The following ATP10B variants were observed in gnomAD, a reference collection of about 807,000 sequenced individuals.
ATP10B encodes ATPase phospholipid transporting 10B (putative).
ATP10B carries 122 observed loss-of-function variants against 141.2 expected under a neutral mutation model. That is an observed-to-expected ratio of 0.86 (90% CI 0.75 to 1.00). ATP10B has a LOEUF of 1.00. ATP10B is among the 50% of genes least tolerant of loss of function. The pLI is 0.00. For missense variants in ATP10B, 1,876 were observed against 1,825.3 expected (o/e 1.03, Z -0.51); for synonymous variants, 685 against 692.0 (o/e 0.99, Z 0.16).
At chr5:160,869,978 C>T in the ATP10B span, among the ~76,000 whole-genome samples, 1 of 152,142 alleles carries the variant, frequency 6.6e-6, no homozygotes, top group East Asian at 1.9e-4. Context: ...ATATACCAGG[C>T]AACTCTGTTC....
chr5:160,817,975 T>G (rs1238343977), intron 1 of ATP10B, among the ~76,000 whole-genome samples: 2 of 152,216 alleles, frequency 1.3e-5, no homozygotes, highest in African/African-American at 2.4e-5. Flanking sequence ...GATCCCTTCC[T>G]TACACCTTAT....
intron 2 of ATP10B, among the ~76,000 whole-genome samples, chr5:160,742,650 G>T (rs17058182): frequency 0.15 from 23,414 of 152,150 alleles, 2,899 homozygotes; most frequent in African/African-American, 0.35. Flanking sequence ...CTTCAGATGA[G>T]GGCAGTGTCT....
chr5:160,677,629 A>T (rs914893070), intron 6 of ATP10B, among the ~76,000 whole-genome samples: 6 of 152,102 alleles, frequency 3.9e-5, no homozygotes, highest in African/African-American at 1.4e-4. Context: ...GCTCGTGATG[A>T]CTTCTGCCTA....
chr5:160,591,955 C>T (rs1390278141), intron 22 of ATP10B, among the ~76,000 whole-genome samples: 2 of 152,188 alleles, frequency 1.3e-5, no homozygotes, highest in Admixed American at 6.5e-5. Flanking sequence ...AAATACTACA[C>T]TTGGCTTTGC....
intron 19 of ATP10B, among the ~76,000 whole-genome samples, chr5:160,606,238 T>C (rs1757380724): frequency 6.6e-6 from 1 of 152,154 alleles, no homozygotes. Flanking sequence ...CTCTGAAAAA[T>C]TCTTTATCAA....
At chr5:160,879,910 G>A in the ATP10B span, among the ~76,000 whole-genome samples, 840 of 152,080 alleles carry the variant, frequency 5.5e-3, 9 homozygotes, top group African/African-American at 0.019. Context: ...TTCAGGATAC[G>A]AAGTTAACAT....
At position 160,565,746 on chromosome 5, in the gene ATP10B, T is replaced by C. The variant is rs775757826; in HGVS notation, c.4093A>G (p.Thr1365Ala). Residue 1365 changes from threonine to alanine, a missense_variant, in exon 26 of 26, where the codon ACT (threonine) becomes GCT (alanine). Transcript: ENST00000327245. Reference sequence around the variant, plus strand: ...GTGATAGATGACACTGGGTGGTGAGTTGGTCGAGCCACTTCGGGGACAGGG... The same window carrying C: ...GTGATAGATGACACTGGGTGGTGAGCTGGTCGAGCCACTTCGGGGACAGGG... Reference protein sequence around the residue: ...PAPVPEVARPTHHPVSSITGQ... With the variant: ...PAPVPEVARPAHHPVSSITGQ... 3 of 1,613,806 alleles carry C rather than the reference T, an allele frequency of 1.9e-6. No individual in the cohort carries two copies. Among genetic ancestry groups the C allele is most frequent in the South Asian group, 1.1e-5 (1 of 91,068 alleles).
chr5:160,839,302 C>T (rs1412844084), intron 1 of ATP10B, among the ~76,000 whole-genome samples: 1 of 152,016 alleles, frequency 6.6e-6, no homozygotes, highest in Admixed American at 6.6e-5. Context: ...GAAGAAAGTT[C>T]AGTTGCTGGA....
At chr5:160,677,955 T>C (rs1159427727) in intron 6 of ATP10B, among the ~76,000 whole-genome samples, 1 of 151,940 alleles carries the variant, frequency 6.6e-6, no homozygotes, top group Admixed American at 6.6e-5. Flanking sequence ...TAACATAGAG[T>C]CTATGTTAAG....
intron 1 of ATP10B, among the ~76,000 whole-genome samples, chr5:160,823,706 C>T (rs1039873945): frequency 2.6e-5 from 4 of 151,982 alleles, no homozygotes; most frequent in African/African-American, 4.8e-5. Context: ...TGGTGGCAGC[C>T]GCCTGTAGTC....
At chr5:160,675,832 G>T (rs1762992966) in intron 6 of ATP10B, among the ~76,000 whole-genome samples, 1 of 126,234 alleles carries the variant, frequency 7.9e-6, no homozygotes, top group Non-Finnish European at 1.6e-5. Context: ...GCTCAGGGAA[G>T]CACCAGAAAG....
the ATP10B span, among the ~76,000 whole-genome samples, chr5:160,886,928 G>A: frequency 4.6e-5 from 7 of 152,108 alleles, no homozygotes; most frequent in African/African-American, 1.7e-4. Flanking sequence ...AAAAACCTAA[G>A]CATTTATTTT....
intron 1 of ATP10B, among the ~76,000 whole-genome samples, chr5:160,815,964 T>G (rs4263536): frequency 6.6e-6 from 1 of 150,588 alleles, no homozygotes; most frequent in African/African-American, 2.4e-5. Flanking sequence ...TTGAAACCAG[T>G]GAGAACAAAG....
At chr5:160,661,692 T>C (rs1761921275) in intron 7 of ATP10B, among the ~76,000 whole-genome samples, 1 of 152,172 alleles carries the variant, frequency 6.6e-6, no homozygotes, top group Non-Finnish European at 1.5e-5. Flanking sequence ...GCCAATATCA[T>C]ACTGAATGGG....
chr5:160,766,401 T>C, intron 2 of ATP10B, among the ~76,000 whole-genome samples: 1 of 141,140 alleles, frequency 7.1e-6, no homozygotes, highest in East Asian at 2.1e-4. Context: ...CACCATGGAA[T>C]ACTACTCAGC....
intron 24 of ATP10B, among the ~76,000 whole-genome samples, chr5:160,573,662 G>A (rs913786674): frequency 2.0e-5 from 3 of 152,156 alleles, no homozygotes; most frequent in African/African-American, 7.2e-5. Flanking sequence ...TGCTCCTTAT[G>A]AGACTCAAAT....
chr5:160,636,548 G>T (rs550489227), intron 10 of ATP10B, among the ~76,000 whole-genome samples: 3 of 152,312 alleles, frequency 2.0e-5, no homozygotes, highest in African/African-American at 7.2e-5. Context: ...TGTTTTACAA[G>T]AGGAGATTGG....
chr5:160,699,076 C>T (rs1764532249), intron 3 of ATP10B, among the ~76,000 whole-genome samples: 1 of 152,162 alleles, frequency 6.6e-6, no homozygotes, highest in Non-Finnish European at 1.5e-5. Context: ...TATGTGTTCT[C>T]CCTTGAAAAC....
chr5:160,861,667 TTGAG>T, the ATP10B span, among the ~76,000 whole-genome samples: 1 of 151,850 alleles, frequency 6.6e-6, no homozygotes, highest in African/African-American at 2.4e-5. Context: ...AGGAGAAGTA[TTGAG>T]TTTTTTCTAT....
Sources: gnomAD v4.1 joint callset for allele counts (sites outside exome capture counted in the v4.1 genomes callset) on GRCh38, gnomAD v4.1.1 for gene constraint, MANE v1.5 for transcripts, NCBI Gene and HGNC (gene_info 2026-07-23, HGNC 2026-07-21) for gene names.